RGS20: variants seen among roughly 807,000 people sequenced by gnomAD.
RGS20 encodes gz-selective GTPase-activating protein.
In RGS20, 30 loss-of-function variants were observed where a neutral mutation model predicts 33.6. The observed-to-expected ratio is 0.89, with a 90% CI of 0.67 to 1.21. The LOEUF (loss-of-function observed/expected upper bound fraction) is 1.21, where lower values mean the gene tolerates loss of function less well. Ranked by LOEUF, RGS20 falls within the 50% of genes most tolerant of loss-of-function variation. The pLI is 0.00. For missense variants in RGS20, 472 were observed against 502.4 expected (o/e 0.94, Z 0.58); for synonymous variants, 208 against 197.9 (o/e 1.05, Z -0.43).
intron 1 of RGS20, among the ~76,000 whole-genome samples, chr8:53,866,538 C>T (rs537823879): frequency 2.9e-4 from 44 of 152,128 alleles, no homozygotes; most frequent in African/African-American, 9.9e-4. Context: ...CACCATCACA[C>T]GCCTGGCTAA....
At chr8:53,901,224 C>T (rs565393316) in intron 2 of RGS20, among the ~76,000 whole-genome samples, 7 of 151,972 alleles carry the variant, frequency 4.6e-5, no homozygotes, top group Admixed American at 6.6e-5. Flanking sequence ...CCCGTCACCA[C>T]GCCCGGCTAA....
In RGS20 at chr8:53,928,256, C is replaced by T. The variant is rs188465382; in HGVS notation, c.511-11320C>T. Among the ~76,000 whole-genome samples, 209 of 152,252 alleles carry T rather than the reference C, an allele frequency of 1.4e-3. 1 individual carries two copies. Among genetic ancestry groups the T allele is most frequent in the African/African-American group, 4.7e-3 (195 of 41,532 alleles). ...ATTAACACTTTTAGTTCCCCTCAGG[C>T]TCTTGCATTTCTCCACAGACATTTA... On this transcript the variant is annotated intron_variant, in intron 2 of 5. Coordinates refer to ENST00000297313, the MANE Select transcript of RGS20 (RefSeq NM_170587.4).
chr8:53,929,451 C>T (rs548608345), intron 2 of RGS20, among the ~76,000 whole-genome samples: 47 of 152,148 alleles, frequency 3.1e-4, no homozygotes, highest in African/African-American at 1.1e-3. Flanking sequence ...GAGGCTGAGG[C>T]GGGTGGATAA....
At chr8:53,928,276 C>T (rs1585929897) in intron 2 of RGS20, among the ~76,000 whole-genome samples, 1 of 152,064 alleles carries the variant, frequency 6.6e-6, no homozygotes, top group African/African-American at 2.4e-5. Context: ...TCTCCACAGA[C>T]ATTTATGGTA....
intron 2 of RGS20, among the ~76,000 whole-genome samples, chr8:53,893,090 G>T (rs1812760845): frequency 1.3e-5 from 2 of 151,714 alleles, no homozygotes; most frequent in South Asian, 4.1e-4. Flanking sequence ...TATCAAGTAG[G>T]GCTTATAATA....
intron 2 of RGS20, among the ~76,000 whole-genome samples, chr8:53,924,669 T>A (rs972136945): frequency 6.6e-6 from 1 of 152,184 alleles, no homozygotes; most frequent in African/African-American, 2.4e-5. Flanking sequence ...TTGTTGTTGA[T>A]CTTTTTTCTG....
At chr8:53,955,863 G>A (rs1814850536) in intron 5 of RGS20, among the ~76,000 whole-genome samples, 1 of 152,072 alleles carries the variant, frequency 6.6e-6, no homozygotes, top group South Asian at 2.1e-4. Flanking sequence ...TAAAATTTAG[G>A]AGGTCAGATT....
At chr8:53,881,739 T>C (rs1313056654) in intron 2 of RGS20, among the ~76,000 whole-genome samples, 3 of 152,134 alleles carry the variant, frequency 2.0e-5, no homozygotes, top group African/African-American at 7.2e-5. Context: ...AACAGAGAAG[T>C]GCCCTCCACC....
chr8:53,881,063 C>G lies in RGS20; in HGVS notation c.510+1461C>G, dbSNP rs753536710. The G allele has an allele frequency of 1.7e-5, 26 of 1,547,596 alleles. 2 individuals carry two copies. In the Admixed American group the frequency reaches 5.1e-4, roughly 30 times the overall value. Reference sequence around the variant, plus strand: ...AGCCGGCCGGGGCTTCCTCCCCGGCCGGCAGGGTGGACGGTGGGCTCGTGA... The same window carrying G: ...AGCCGGCCGGGGCTTCCTCCCCGGCGGGCAGGGTGGACGGTGGGCTCGTGA... On this transcript the variant is annotated intron_variant, in intron 2 of 5. Transcript: ENST00000297313.
At chr8:53,861,859 A>G (rs1811815274) in intron 1 of RGS20, among the ~76,000 whole-genome samples, 1 of 152,156 alleles carries the variant, frequency 6.6e-6, no homozygotes, top group Non-Finnish European at 1.5e-5. Flanking sequence ...TATTTTTACC[A>G]ACTTATTAGC....
In RGS20 at chr8:53,954,098, G is replaced by C. The variant is rs2129294258; in HGVS notation, c.766G>C (p.Val256Leu). Residue 256 changes from valine to leucine, a missense_variant, in exon 5 of 6, where the codon GTC becomes CTC. By Grantham distance (32) the Val-to-Leu change is conservative (BLOSUM62 1). This residue lies in a region of RGS20 where 125 missense variants were observed against 169.5 expected (regional missense o/e 0.74). Transcript: ENST00000297313. ...AAGCCCTGCTCCTACTCTGGAAGAA[G>C]TCAACGCCTGGGCTCAGTCATTTGA... 6.2e-7 allele frequency: 1 copy of C among 1,614,000 alleles called. No homozygotes were observed. Among genetic ancestry groups the C allele is most frequent in the East Asian group, 2.2e-5 (1 of 44,874 alleles).
At chr8:53,882,549 A>G (rs1812422212) in intron 2 of RGS20, among the ~76,000 whole-genome samples, 2 of 151,642 alleles carry the variant, frequency 1.3e-5, no homozygotes, top group South Asian at 2.1e-4. Context: ...GGAGAGCGCT[A>G]CAGGGGAATC....
At chr8:53,949,411 A>G (rs1814647682) in intron 4 of RGS20, among the ~76,000 whole-genome samples, 1 of 151,428 alleles carries the variant, frequency 6.6e-6, no homozygotes, top group Admixed American at 6.6e-5. Context: ...TTTAAAAATA[A>G]AAGTATATTA....
intron 2 of RGS20, among the ~76,000 whole-genome samples, chr8:53,913,023 T>C (rs1166664147): frequency 6.6e-6 from 1 of 151,940 alleles, no homozygotes; most frequent in African/African-American, 2.4e-5. Context: ...TGGAGTGCAG[T>C]GGTGCAAACT....
At chr8:53,946,179 A>G (rs1161927028) in intron 3 of RGS20, among the ~76,000 whole-genome samples, 1 of 152,144 alleles carries the variant, frequency 6.6e-6, no homozygotes, top group Non-Finnish European at 1.5e-5. Flanking sequence ...AATGAAATGA[A>G]ACCCCAATAC....
intron 1 of RGS20, among the ~76,000 whole-genome samples, chr8:53,857,874 A>G (rs2129266869): frequency 6.6e-6 from 1 of 152,330 alleles, no homozygotes; most frequent in Middle Eastern, 3.4e-3. Context: ...AAGTTGCAAA[A>G]AGCAAATTTT....
chr8:53,879,106 G>T (rs565150069), intron 1 of RGS20: 30 of 664,976 alleles, frequency 4.5e-5, no homozygotes, highest in African/African-American at 4.5e-4. Context: ...GGAGGGGAAA[G>T]AATCTAACTA....
chr8:53,861,344 G>T (rs572587451), intron 1 of RGS20, among the ~76,000 whole-genome samples: 3 of 152,308 alleles, frequency 2.0e-5, no homozygotes, highest in Admixed American at 6.5e-5. Context: ...CCTCTCTTGA[G>T]TCAGCGTGAC....
In RGS20 at chr8:53,872,381, T is replaced by A. The variant is rs191065876; in HGVS notation, c.166-6877T>A. Among the ~76,000 whole-genome samples the A allele has an allele frequency of 5.9e-5, 9 of 152,262 alleles. No homozygotes were observed. The East Asian group carries it at 1.7e-3, about 29-fold the overall frequency. ...ATTTCCCATTGCTTTTACAATAAAA[T>A]CCAAAATCCTTACCATGATTTGGTT... On this transcript the variant is annotated intron_variant, in intron 1 of 5. Coordinates refer to ENST00000297313, the MANE Select transcript of RGS20 (RefSeq NM_170587.4).
Sources: gnomAD v4.1 joint callset for allele counts (sites outside exome capture counted in the v4.1 genomes callset) on GRCh38, gnomAD v4.1.1 for gene constraint, gnomAD v4.1.1 regional missense constraint, MANE v1.5 for transcripts, NCBI Gene and HGNC (gene_info 2026-07-23, HGNC 2026-07-21) for gene names.